ANKRD30BL: variants seen among roughly 807,000 people sequenced by gnomAD.
ANKRD30BL encodes ankyrin repeat domain 30B like.
In ANKRD30BL, 20 loss-of-function variants were observed where a neutral mutation model predicts 18.4. The observed-to-expected ratio is 1.09, with a 90% CI of 0.77 to 1.58. The LOEUF is 1.58. Among genes scored for constraint, ANKRD30BL ranks in the 40% most tolerant of loss-of-function variants. The pLI, the probability that ANKRD30BL is intolerant of heterozygous loss-of-function variation, is 0.00. For missense variants in ANKRD30BL, 224 were observed against 268.6 expected (o/e 0.83, Z 1.16); for synonymous variants, 72 against 100.9 (o/e 0.71, Z 1.72).
At chr2:132,201,327 G>A (rs1199088278) in intron 1 of ANKRD30BL, among the ~76,000 whole-genome samples, 1 of 152,178 alleles carries the variant, frequency 6.6e-6, no homozygotes, top group South Asian at 2.1e-4. Flanking sequence ...CTTCTGCACA[G>A]CAAAAGAAAC....
At chr2:132,181,756 GA>G (rs1299593848) in intron 1 of ANKRD30BL, among the ~76,000 whole-genome samples, 1 of 152,152 alleles carries the variant, frequency 6.6e-6, no homozygotes, top group East Asian at 1.9e-4. Flanking sequence ...AATAACAAGG[GA>G]AAAATAGTAG....
chr2:132,158,741 T>G, intron 1 of ANKRD30BL, among the ~76,000 whole-genome samples: 1 of 150,496 alleles, frequency 6.6e-6, no homozygotes, highest in South Asian at 2.1e-4. Context: ...TTTATTTTCT[T>G]AATAATAAAA....
At chr2:132,207,632 A>G (rs1442250226) in intron 1 of ANKRD30BL, among the ~76,000 whole-genome samples, 1 of 152,178 alleles carries the variant, frequency 6.6e-6, no homozygotes, top group Admixed American at 6.6e-5. Context: ...AGAACATGAT[A>G]GAAATAGACT....
chr2:132,256,685 G>A (rs78164602), intron 1 of ANKRD30BL, among the ~76,000 whole-genome samples: 2 of 152,208 alleles, frequency 1.3e-5, no homozygotes, highest in African/African-American at 4.8e-5. Context: ...ACTGCTGGCC[G>A]ACCCCAAACC....
At chr2:132,200,359 T>A (rs1421272220) in intron 1 of ANKRD30BL, among the ~76,000 whole-genome samples, 10 of 152,144 alleles carry the variant, frequency 6.6e-5, no homozygotes, top group African/African-American at 2.4e-4. Context: ...AAATTGTCCC[T>A]GTTTGCAGAT....
In ANKRD30BL at chr2:132,240,500, A is replaced by G. The variant is rs144958098; in HGVS notation, n.441+17029T>C. 5.5e-3 allele frequency among the ~76,000 whole-genome samples: 834 copies of G among 151,980 alleles called. 5 individuals are homozygous for G. Among genetic ancestry groups the G allele is most frequent in the Admixed American group, 0.011 (163 of 15,160 alleles). ...GAAACAGGAAATATCTTCCCATAAA[A>G]ACTAGACAGAAGAATTCTCAGAAAC... On this transcript the variant is annotated intron_variant and non_coding_transcript_variant, in intron 1 of 4. Coordinates refer to the ANKRD30BL transcript ENST00000470729.
At chr2:132,228,908 G>A (rs1679920940) in intron 1 of ANKRD30BL, among the ~76,000 whole-genome samples, 1 of 151,348 alleles carries the variant, frequency 6.6e-6, no homozygotes, top group Non-Finnish European at 1.5e-5. Context: ...CATTTTGAAG[G>A]CTTTGAGGCC....
At chr2:132,253,704 G>A (rs1358245309) in intron 1 of ANKRD30BL, among the ~76,000 whole-genome samples, 1 of 151,774 alleles carries the variant, frequency 6.6e-6, no homozygotes, top group African/African-American at 2.4e-5. Flanking sequence ...TCCACTGTGG[G>A]CCCACTGCAC....
chr2:132,254,265 G>A (rs72869429), intron 1 of ANKRD30BL, among the ~76,000 whole-genome samples: 5 of 151,058 alleles, frequency 3.3e-5, no homozygotes, highest in Admixed American at 1.3e-4. Flanking sequence ...GCACGACTCC[G>A]CCCATGCATG....
intron 4 of ANKRD30BL, among the ~76,000 whole-genome samples, chr2:132,153,191 T>C (rs1445933381): frequency 1.3e-5 from 2 of 152,136 alleles, no homozygotes; most frequent in Non-Finnish European, 2.9e-5. Flanking sequence ...AAAAGGAATG[T>C]CTTCCTTGGA....
chr2:132,234,364 CA>C (rs1180797376), intron 1 of ANKRD30BL, among the ~76,000 whole-genome samples: 1 of 151,724 alleles, frequency 6.6e-6, no homozygotes, highest in East Asian at 1.9e-4. Flanking sequence ...AATAGAGACA[CA>C]AAAAACCCTT....
chr2:132,175,144 C>T lies in ANKRD30BL; in HGVS notation n.442-17998G>A, dbSNP rs185729930. Among the ~76,000 whole-genome samples, 15 of 152,248 alleles carry T rather than the reference C, an allele frequency of 9.9e-5. 1 individual carries two copies. The highest frequency in any genetic ancestry group is 1.5e-4 in the Non-Finnish European group (10 of 68,026). ...AAGAAAAGTGGGCCCAGGGGACTGG[C>T]GCTCAGCATACCAAGGACGTGCACC... On this transcript the variant is annotated intron_variant and non_coding_transcript_variant, in intron 1 of 4. Coordinates refer to the ANKRD30BL transcript ENST00000470729.
At chr2:132,195,788 C>CAAAAAAAAAAAAAA (rs1205804103) in intron 1 of ANKRD30BL, among the ~76,000 whole-genome samples, 1 of 48,660 alleles carries the variant, frequency 2.1e-5, no homozygotes, top group African/African-American at 5.3e-5. Context: ...GAGCCTCTGC[C>CAAAAAAAAAAAAAA]AAAAAAAAAA....
chr2:132,199,438 G>A (rs1344399699), intron 1 of ANKRD30BL, among the ~76,000 whole-genome samples: 1 of 152,024 alleles, frequency 6.6e-6, no homozygotes, highest in Non-Finnish European at 1.5e-5. Context: ...GCATGAAGAT[G>A]ATAATTTTGA....
chr2:132,235,634 A>T (rs899250088), intron 1 of ANKRD30BL, among the ~76,000 whole-genome samples: 58 of 152,290 alleles, frequency 3.8e-4, no homozygotes, highest in Admixed American at 7.9e-4. Context: ...CTTACAAGGG[A>T]TGTGAAGGAA....
intron 1 of ANKRD30BL, among the ~76,000 whole-genome samples, chr2:132,239,397 A>G (rs1680249790): frequency 6.6e-6 from 1 of 152,064 alleles, no homozygotes. Flanking sequence ...CAGTTTTGAA[A>G]CACTCTTTTT....
chr2:132,158,918 T>C (rs1687983291), intron 1 of ANKRD30BL, among the ~76,000 whole-genome samples: 1 of 152,106 alleles, frequency 6.6e-6, no homozygotes, highest in Admixed American at 6.5e-5. Context: ...AAAGTAATAA[T>C]TAAATTACGG....
At chr2:132,218,886 A>G (rs554361891) in intron 1 of ANKRD30BL, among the ~76,000 whole-genome samples, 11 of 152,236 alleles carry the variant, frequency 7.2e-5, no homozygotes, top group Admixed American at 2.0e-4. Flanking sequence ...CTTTCTTTTG[A>G]TAGAGCTGAT....
chr2:132,246,214 G>A (rs373449867), intron 1 of ANKRD30BL, among the ~76,000 whole-genome samples: 2 of 151,612 alleles, frequency 1.3e-5, no homozygotes, highest in African/African-American at 4.8e-5. Context: ...CCTTTTCATA[G>A]AGCAGTTTTG....
Sources: allele counts gnomAD v4.1 joint callset (sites outside exome capture counted in the v4.1 genomes callset), GRCh38; gene constraint gnomAD v4.1.1; transcripts MANE v1.5; gene names NCBI Gene and HGNC (gene_info 2026-07-23, HGNC 2026-07-21).